Variants in DNAH14 observed in about 807,000 individuals in gnomAD.
DNAH14 encodes dynein axonemal heavy chain 14.
Under a neutral mutation model 520.9 loss-of-function variants are expected in DNAH14, and 478 were observed. The ratio of observed to expected loss-of-function variants is 0.92; its 90% CI spans 0.85 to 0.99. DNAH14 has a LOEUF of 0.99. DNAH14 is among the 50% of genes least tolerant of loss of function. The probability of loss-of-function intolerance (pLI) is 0.00; values close to 1 mark genes in which losing one functional copy is unlikely to be tolerated. For synonymous variants in DNAH14, 1,581 were observed against 1,757.2 expected (o/e 0.90, Z 2.51); for missense variants, 4,831 against 5,234.5 (o/e 0.92, Z 2.38).
At chr1:225,114,795 C>G (rs1032677719) in intron 23 of DNAH14, among the ~76,000 whole-genome samples, 6 of 152,134 alleles carry the variant, frequency 3.9e-5, no homozygotes, top group African/African-American at 1.2e-4. Context: ...ACTGTGCTCT[C>G]TCTCCCCCAA....
chr1:225,053,579 A>G (rs1308135859), intron 17 of DNAH14, among the ~76,000 whole-genome samples: 5 of 152,266 alleles, frequency 3.3e-5, no homozygotes, highest in African/African-American at 9.6e-5. Context: ...GGGAGAGGTG[A>G]TGATAATCTG....
intron 81 of DNAH14, among the ~76,000 whole-genome samples, chr1:225,388,099 G>A (rs1286738236): frequency 6.6e-6 from 1 of 152,164 alleles, no homozygotes; most frequent in African/African-American, 2.4e-5. Context: ...GAGGAGGAAA[G>A]GAGGTGAGGA....
intron 1 of DNAH14, among the ~76,000 whole-genome samples, chr1:224,932,738 A>C (rs1425193398): frequency 6.6e-6 from 1 of 152,054 alleles, no homozygotes; most frequent in Non-Finnish European, 1.5e-5. Flanking sequence ...TCAGTTGGCT[A>C]TAAATATGTG....
chr1:225,277,675 G>A (rs537282795), intron 54 of DNAH14, among the ~76,000 whole-genome samples, 173 bp downstream of exon 54: 7 of 152,308 alleles, frequency 4.6e-5, no homozygotes, highest in African/African-American at 7.2e-5. Flanking sequence ...AAATCTGTCA[G>A]CAAATAAAAA....
At chr1:225,094,702 A>AAAC (rs372523894) in intron 21 of DNAH14, among the ~76,000 whole-genome samples, 10,232 of 147,634 alleles carry the variant, frequency 0.069, 653 homozygotes, top group East Asian at 0.23. Flanking sequence ...AAACAAAAAA[A>AAAC]CGCTATCAAC....
intron 75 of DNAH14, among the ~76,000 whole-genome samples, chr1:225,362,283 C>T (rs531546506): frequency 6.6e-6 from 1 of 152,124 alleles, no homozygotes; most frequent in Admixed American, 6.5e-5. Context: ...AAAAGAAATT[C>T]GTACTTCCGG....
chr1:225,200,986 C>T (rs539734256), intron 38 of DNAH14, among the ~76,000 whole-genome samples: 2 of 152,044 alleles, frequency 1.3e-5, no homozygotes, highest in Middle Eastern at 6.8e-3. Flanking sequence ...TCCTTAAGAA[C>T]ACCAATTATT....
intron 31 of DNAH14, among the ~76,000 whole-genome samples, chr1:225,148,784 A>G (rs1413069964): frequency 6.6e-6 from 1 of 152,078 alleles, no homozygotes; most frequent in Non-Finnish European, 1.5e-5. Flanking sequence ...CCACTTTTTA[A>G]TAGAGTTGTT....
intron 17 of DNAH14, among the ~76,000 whole-genome samples, chr1:225,063,186 T>C (rs1376100322): frequency 1.3e-5 from 2 of 152,132 alleles, no homozygotes; most frequent in Non-Finnish European, 2.9e-5. Flanking sequence ...CATCCTTTTG[T>C]ATTTGTGGAG....
chr1:225,234,567 T>C (rs1258332651), intron 42 of DNAH14, among the ~76,000 whole-genome samples: 1 of 152,206 alleles, frequency 6.6e-6, no homozygotes, highest in East Asian at 1.9e-4. Flanking sequence ...AGTATTTTTT[T>C]CTAGTTCTGT....
In DNAH14 at chr1:225,050,271, A is replaced by G. The variant is rs2068415571; in HGVS notation, c.1974A>G (p.Ile658Met). ...QLSIFIDLVS[I>M]MDLPNKTGSI... is the part of the protein sequence containing the mutation. ...CTATCTTCATTGATTTGGTTTCAAT[A>G]ATGGATTTACCTAATAAGACAGGAA... The change falls in exon 16 of 86, where the codon ATA becomes ATG. Residue 658 changes from isoleucine (I) to methionine (M), a missense_variant. By Grantham distance (10) the Ile-to-Met change is conservative (BLOSUM62 1). Transcript: ENST00000682510. 6.5e-7 allele frequency: 1 copy of G among 1,550,272 alleles called. No individual in the cohort carries two copies. Among genetic ancestry groups the G allele is most frequent in the Non-Finnish European group, 8.7e-7 (1 of 1,146,512 alleles).
At chr1:225,275,669 G>T (rs2093448435) in intron 52 of DNAH14, among the ~76,000 whole-genome samples, 1 of 152,112 alleles carries the variant, frequency 6.6e-6, no homozygotes, top group African/African-American at 2.4e-5. Context: ...TAATATATTT[G>T]GGGGTTTTTG....
chr1:225,227,183 T>G (rs957162676), intron 41 of DNAH14, among the ~76,000 whole-genome samples: 5 of 152,122 alleles, frequency 3.3e-5, no homozygotes, highest in Non-Finnish European at 7.4e-5. Flanking sequence ...GGTGTCAGGC[T>G]GGGGGATGAT....
chr1:225,006,538 A>G (rs1291284607), intron 9 of DNAH14, among the ~76,000 whole-genome samples: 3 of 71,590 alleles, frequency 4.2e-5, no homozygotes, highest in East Asian at 3.4e-4. Flanking sequence ...GTGTCTGTCT[A>G]TTGGGGTTGA....
Position 224,960,171 on chromosome 1 carries a change from T to C in DNAH14, c.236T>C (p.Ile79Thr). The C allele has an allele frequency of 6.3e-7, 1 of 1,592,626 alleles. No homozygotes were observed. The highest frequency in any genetic ancestry group is 1.7e-4 in the Middle Eastern group (1 of 5,934). The change falls in exon 4 of 86, where the codon ATA (isoleucine) becomes ACA (threonine). Residue 79 changes from isoleucine to threonine, a missense_variant. By Grantham distance (89) the Ile-to-Thr change is moderately conservative. Coordinates refer to ENST00000682510, the MANE Select transcript of DNAH14 (RefSeq NM_001367479.1). ...TTTTCAGATTACCTTAGAGAAAGTA[T>C]AATTCAACAACATATGGTTTCTCCA... Reference protein sequence around the residue: ...EKTEDYLRESIIQQHMVSPEP... With the variant: ...EKTEDYLRESTIQQHMVSPEP...
At chr1:224,991,096 T>A (rs868116018) in intron 8 of DNAH14, among the ~76,000 whole-genome samples, 12,247 of 125,800 alleles carry the variant, frequency 0.097, 2,116 homozygotes, top group African/African-American at 0.36. Flanking sequence ...TTTTTTTTTT[T>A]TTTTTTTTTT....
chr1:225,218,858 T>G (rs1216780729), intron 41 of DNAH14, among the ~76,000 whole-genome samples: 1 of 152,194 alleles, frequency 6.6e-6, no homozygotes, highest in Non-Finnish European at 1.5e-5. Context: ...GAATATACAT[T>G]CTTCTCAGCA....
chr1:225,391,277 T>C (rs1312413048), intron 83 of DNAH14, among the ~76,000 whole-genome samples: 1 of 151,866 alleles, frequency 6.6e-6, no homozygotes, highest in Non-Finnish European at 1.5e-5. Context: ...AGGGGTACAT[T>C]GGAGAAGAAC....
chr1:225,152,611 A>T, intron 32 of DNAH14, 86 bp from the exon 33 acceptor site: 1 of 1,236,206 alleles, frequency 8.1e-7, no homozygotes, highest in Non-Finnish European at 1.1e-6. Flanking sequence ...ACACCAATAT[A>T]ATTATTTTGG....
Sources: allele counts gnomAD v4.1 joint callset (sites outside exome capture counted in the v4.1 genomes callset), GRCh38; gene constraint gnomAD v4.1.1; transcripts MANE v1.5; gene names NCBI Gene and HGNC (gene_info 2026-07-23, HGNC 2026-07-21).